Variants in ADAM17 observed in about 807,000 individuals in gnomAD.
ADAM17 encodes disintegrin and metalloproteinase domain-containing protein 17.
A neutral mutation model predicts 96.7 loss-of-function variants in ADAM17; 39 were observed. That is an observed-to-expected ratio of 0.40 (90% CI 0.31 to 0.53). The LOEUF (loss-of-function observed/expected upper bound fraction) is 0.53, where lower values mean the gene tolerates loss of function less well. ADAM17 is among the 20% of genes least tolerant of loss of function. The pLI, the probability that ADAM17 is intolerant of heterozygous loss-of-function variation, is 0.44. For missense variants in ADAM17, 777 were observed against 1,013.2 expected (o/e 0.77, Z 3.17); for synonymous variants, 344 against 359.2 (o/e 0.96, Z 0.48).
chr2:9,504,425 CAG>C (rs1162839392), intron 12 of ADAM17, among the ~76,000 whole-genome samples: 1 of 151,452 alleles, frequency 6.6e-6, no homozygotes, highest in Non-Finnish European at 1.5e-5. Flanking sequence ...AGCCTGGCAA[CAG>C]AGCGAGACGC....
At chr2:9,512,782 C>T (rs931120814) in intron 10 of ADAM17, among the ~76,000 whole-genome samples, 1 of 152,122 alleles carries the variant, frequency 6.6e-6, no homozygotes. Context: ...GTCATTCGTG[C>T]TTATGTAATG....
intron 10 of ADAM17, among the ~76,000 whole-genome samples, chr2:9,514,178 A>G (rs2125013368): frequency 1.3e-5 from 2 of 152,070 alleles, no homozygotes; most frequent in East Asian, 3.9e-4. Flanking sequence ...CTATGCAGCC[A>G]TAAAAAAGGA....
In ADAM17 at chr2:9,527,839, A is replaced by G; in HGVS notation, c.566T>C (p.Val189Ala). 1 of 1,605,590 alleles carries G rather than the reference A, an allele frequency of 6.2e-7. No individual in the cohort carries two copies. The highest frequency in any genetic ancestry group is 1.1e-5 in the South Asian group (1 of 88,936). Residue 189 changes from valine to alanine, a missense_variant, in exon 5 of 19, where the codon GTG becomes GCG. Transcript: ENST00000310823. ...TTTTGGGAGCAACTCTTCATTATCC[A>G]CTTTTAAATAACCACACACTTTTGG... ...QSPKVCGYLK[V>A]DNEELLPKGL...
chr2:9,505,373 G>T lies in ADAM17; in HGVS notation c.1345-8C>A. On this transcript the variant is annotated splice_region_variant and splice_polypyrimidine_tract_variant and intron_variant, in intron 11 of 18. Transcript: ENST00000310823. The stretch of plus-strand genomic sequence containing the variant: ...ACTGCAGTTTGAAAACATCTTGAGA[G>T]AAAAAAGGCAATAAGGACCCAAAAT... The T allele has an allele frequency of 6.2e-7, 1 of 1,611,684 alleles. No individual in the cohort carries two copies. The highest frequency in any genetic ancestry group is 8.5e-7 in the Non-Finnish European group (1 of 1,178,186).
intron 4 of ADAM17, among the ~76,000 whole-genome samples, chr2:9,530,100 A>T (rs1215534839): frequency 6.6e-6 from 1 of 152,252 alleles, no homozygotes; most frequent in Non-Finnish European, 1.5e-5. Flanking sequence ...TAATCCATGT[A>T]TGAGGCAGAT....
chr2:9,532,677 A>C, intron 4 of ADAM17, among the ~76,000 whole-genome samples: 1 of 143,724 alleles, frequency 7.0e-6, no homozygotes. Context: ...GAGTAGAGAC[A>C]AGGTCTCCCT....
intron 11 of ADAM17, among the ~76,000 whole-genome samples, chr2:9,509,147 G>C (rs942101851): frequency 2.3e-4 from 35 of 152,134 alleles, no homozygotes; most frequent in African/African-American, 8.5e-4. Flanking sequence ...GCTCAAAATA[G>C]GAGTCAGGAC....
chr2:9,519,415 G>A (rs1420241448), intron 8 of ADAM17, among the ~76,000 whole-genome samples: 1 of 152,148 alleles, frequency 6.6e-6, no homozygotes, highest in Non-Finnish European at 1.5e-5. Context: ...CTGTCTGGAG[G>A]CTCACAGAAA....
In ADAM17 at chr2:9,517,887, A is replaced by G. The variant is rs1047702432; in HGVS notation, c.1191+14T>C. 2.0e-6 allele frequency: 3 copies of G among 1,516,542 alleles called. No homozygotes were observed. In the African/African-American group the frequency reaches 4.2e-5, roughly 21 times the overall value. 93.9% of individuals were successfully genotyped at this position (1,516,542 alleles called of 1,614,324 possible). On this transcript the variant is annotated intron_variant, in intron 10 of 18. Coordinates refer to ENST00000310823, the MANE Select transcript of ADAM17 (RefSeq NM_003183.6). ...AAACTCTAACACTATTCTTTTAGAA[A>G]TAAAAGAACATACCTTTGTAAGGAT...
At chr2:9,521,092 G>A in intron 8 of ADAM17, 111 bp downstream of exon 8, 1 of 795,020 alleles carries the variant, frequency 1.3e-6, no homozygotes, top group South Asian at 1.6e-5. Context: ...GGAGGAGACT[G>A]CTTCTGGGTG....
chr2:9,554,212 T>C (rs542210452), intron 1 of ADAM17, among the ~76,000 whole-genome samples: 2 of 152,376 alleles, frequency 1.3e-5, no homozygotes, highest in South Asian at 2.1e-4. Context: ...AGTGAAACAG[T>C]TGTGTCAGGG....
chr2:9,492,904 A>G lies in ADAM17; in HGVS notation c.2076T>C (p.His692=), dbSNP rs1324612636. ...TTAAAAGTTGATGACTTACCACACA[A>G]TGGACAAGAATGCTGAAAGGAATCC... ...IFWIPFSILV[H]CVDKKLDKQY... Residue 692 remains histidine (H), a synonymous_variant, in exon 17 of 19, where the codon CAT becomes CAC. Coordinates refer to ENST00000310823, the MANE Select transcript of ADAM17 (RefSeq NM_003183.6). 1 of 1,610,790 alleles carries G rather than the reference A, an allele frequency of 6.2e-7. No individual in the cohort carries two copies. The highest frequency in any genetic ancestry group is 1.3e-5 in the African/African-American group (1 of 74,792).
intron 1 of ADAM17, among the ~76,000 whole-genome samples, chr2:9,544,852 G>A (rs906404041): frequency 2.6e-5 from 4 of 151,924 alleles, no homozygotes; most frequent in African/African-American, 9.7e-5. Flanking sequence ...GCCAAAAAGG[G>A]CTATTTTTTA....
Position 9,489,634 on chromosome 2 carries a change from C to A in ADAM17, c.*543G>T, listed in dbSNP as rs895520079. The A allele has an allele frequency of 2.0e-5, 3 of 148,360 alleles. No individual in the cohort carries two copies. The highest frequency in any genetic ancestry group is 6.9e-5 in the Admixed American group (1 of 14,548). The allele number at this position is 148,360 out of a possible 1,614,324, so 9.2% of individuals were successfully genotyped here. ...TAAATTTAGATATATATTTTCCCTG[C>A]TACATAAAAACTCTGGGTAATAACT... On this transcript the variant is annotated 3_prime_UTR_variant, in exon 19 of 19. Coordinates refer to ENST00000310823, the MANE Select transcript of ADAM17 (RefSeq NM_003183.6).
intron 17 of ADAM17, 122 bp from the exon 18 acceptor site, chr2:9,491,273 T>G (rs1436685343): frequency 8.5e-6 from 7 of 826,436 alleles, no homozygotes; most frequent in Non-Finnish European, 1.3e-5. Context: ...TAGAAAGTGA[T>G]AGCAGGCTCA....
chr2:9,547,057 G>A (rs1031488239), intron 1 of ADAM17, among the ~76,000 whole-genome samples: 3 of 152,208 alleles, frequency 2.0e-5, no homozygotes, highest in African/African-American at 2.4e-5. Context: ...TCTCTAGAAT[G>A]AGAGCACCTT....
intron 4 of ADAM17, among the ~76,000 whole-genome samples, chr2:9,528,449 T>A (rs185915100): frequency 6.6e-6 from 1 of 152,210 alleles, no homozygotes; most frequent in African/African-American, 2.4e-5. Flanking sequence ...AACATATTTA[T>A]ATGAAAGAAA....
rs1661833079 is a variant in ADAM17 at position 9,489,002 on chromosome 2, G to A, written c.*1175C>T. ...GTAAATGCAGCCCATCCAGAATCCT[G>A]GAGCAATAAAGTAAGAAGTAATTCA... is the stretch of plus-strand genomic sequence containing the variant. On this transcript the variant is annotated 3_prime_UTR_variant, in exon 19 of 19. Transcript: ENST00000310823. The A allele has an allele frequency of 6.6e-6, 1 of 152,136 alleles. No homozygotes were observed. Among genetic ancestry groups the A allele is most frequent in the African/African-American group, 2.4e-5 (1 of 41,416 alleles). The allele number at this position is 152,136 out of a possible 1,614,324, so 9.4% of individuals were successfully genotyped here.
intron 7 of ADAM17, chr2:9,522,290 C>A: frequency 4.3e-6 from 2 of 469,140 alleles, no homozygotes; most frequent in Middle Eastern, 2.9e-4. Context: ...ATACACTATA[C>A]CTGCATACGA....
Sources: allele counts gnomAD v4.1 joint callset (sites outside exome capture counted in the v4.1 genomes callset), GRCh38; gene constraint gnomAD v4.1.1; transcripts MANE v1.5; gene names NCBI Gene and HGNC (gene_info 2026-07-23, HGNC 2026-07-21).